PCDH19: variants seen among roughly 807,000 people sequenced by gnomAD.
The protein encoded by PCDH19 is protocadherin 19, also known as protocadherin-19.
In PCDH19, 6 loss-of-function variants were observed where a neutral mutation model predicts 46.2. The ratio of observed to expected loss-of-function variants is 0.13; its 90% CI spans 0.07 to 0.26. The LOEUF (loss-of-function observed/expected upper bound fraction) is 0.26. Among genes scored for constraint, PCDH19 ranks in the 10% least tolerant of loss-of-function variants. The probability of loss-of-function intolerance (pLI) is 1.00; values close to 1 mark genes in which losing one functional copy is unlikely to be tolerated. For missense variants in PCDH19, 740 were observed against 972.3 expected (o/e 0.76, Z 3.18); for synonymous variants, 481 against 415.7 (o/e 1.16, Z -1.91).
chrX:100,361,329 A>G (rs1395422312), intron 3 of PCDH19, among the ~76,000 whole-genome samples: 1 of 112,349 alleles, frequency 8.9e-6, no homozygotes, highest in East Asian at 2.8e-4. Flanking sequence ...AAAGATTGCA[A>G]AAGAGAGAAA....
chrX:100,333,153 GGAA>G (rs1206270652), intron 5 of PCDH19, among the ~76,000 whole-genome samples: 598 of 53,980 alleles, frequency 0.011, 9 homozygotes, highest in East Asian at 0.027. Context: ...AAGGAAGGAA[GGAA>G]GGAAGGAAGG....
At chrX:100,394,138 G>A (rs752913034) in intron 3 of PCDH19, among the ~76,000 whole-genome samples, 1 of 112,091 alleles carries the variant, frequency 8.9e-6, no homozygotes, top group Non-Finnish European at 1.9e-5. Flanking sequence ...CTGCACTACA[G>A]CCTAGGTGAC....
intron 3 of PCDH19, among the ~76,000 whole-genome samples, chrX:100,373,154 G>C (rs186407849): frequency 8.9e-6 from 1 of 112,241 alleles, no homozygotes; most frequent in Non-Finnish European, 1.9e-5. Flanking sequence ...GACTACAGGC[G>C]CGTGCCACCA....
At position 100,403,589 on chromosome X, in the gene PCDH19, C is replaced by T. The variant is rs907375983; in HGVS notation, c.2223G>A (p.Ser741=). 4 of 1,208,013 alleles carry T rather than the reference C, an allele frequency of 3.3e-6. No homozygotes were observed. Among genetic ancestry groups the T allele is most frequent in the African/African-American group, 3.5e-5 (2 of 57,822 alleles). ...GQNSKCLHCI[S]VSPISEEQDK... is the part of the protein sequence containing the mutation. The stretch of plus-strand genomic sequence containing the variant: ...CTTGCTCCTCGCTAATGGGAGAAAC[C>T]GAGATGCAATGCAGACACTTGCTGT... The change falls in exon 2 of 6, where the codon TCG becomes TCA. Residue 741 remains serine (S), a synonymous_variant. Coordinates refer to ENST00000373034, the MANE Select transcript of PCDH19 (RefSeq NM_001184880.2).
intron 3 of PCDH19, among the ~76,000 whole-genome samples, chrX:100,361,019 G>T (rs1926865311): frequency 8.9e-6 from 1 of 111,938 alleles, no homozygotes; most frequent in African/African-American, 3.2e-5. Flanking sequence ...ATTTAAAATA[G>T]AGATTAACCA....
chrX:100,410,247 C>T lies in PCDH19; in HGVS notation c.-1650G>A. 3.3e-6 allele frequency: 1 copy of T among 298,962 alleles called. No individual in the cohort carries two copies. Among genetic ancestry groups the T allele is most frequent in the Non-Finnish European group, 5.8e-6 (1 of 171,299 alleles). 24.6% of individuals were successfully genotyped at this position (298,962 alleles called of 1,213,427 possible). A position where few individuals can be genotyped will look rare whatever the true frequency, so the allele number is the denominator to read the frequency against. On this transcript the variant is annotated 5_prime_UTR_variant, in exon 1 of 6. Transcript: ENST00000373034. The stretch of plus-strand genomic sequence containing the variant: ...CCAGCCGCCGCCGCTACTGCTGCTG[C>T]TGCTCCTCCGGATGCCGCAAACTAC...
At chrX:100,355,950 A>C (rs1445677551) in intron 3 of PCDH19, among the ~76,000 whole-genome samples, 2 of 110,626 alleles carry the variant, frequency 1.8e-5, no homozygotes, top group Non-Finnish European at 3.8e-5. Context: ...GAGTGACTGC[A>C]GCTCTCTCAG....
At chrX:100,315,844 C>T (rs897038347) in intron 5 of PCDH19, among the ~76,000 whole-genome samples, 1 of 111,958 alleles carries the variant, frequency 8.9e-6, no homozygotes, top group Non-Finnish European at 1.9e-5. Context: ...GCTACAAATA[C>T]AGAATTCAGT....
At chrX:100,378,111 G>T (rs754053420) in intron 3 of PCDH19, among the ~76,000 whole-genome samples, 4 of 112,662 alleles carry the variant, frequency 3.6e-5, no homozygotes, top group Admixed American at 9.4e-5. Flanking sequence ...ACAAACTAAG[G>T]AGTAGCCTGG....
Position 100,296,884 on chromosome X carries a change from A to G in PCDH19, c.2849-9T>C. The G allele has an allele frequency of 8.5e-7, 1 of 1,176,056 alleles. No individual in the cohort carries two copies. The highest frequency in any genetic ancestry group is 1.2e-6 in the Non-Finnish European group (1 of 863,416). On this transcript the variant is annotated splice_polypyrimidine_tract_variant and intron_variant, in intron 5 of 5. Transcript: ENST00000373034. ...AAATCCTTCATTCTGATCTGTTTGGAAAAAAGAAAATATCAATTTCATCAG... is the reference window on the plus strand; with the variant it reads ...AAATCCTTCATTCTGATCTGTTTGGGAAAAAGAAAATATCAATTTCATCAG...
At chrX:100,324,183 C>T (rs1035068648) in intron 5 of PCDH19, among the ~76,000 whole-genome samples, 2 of 111,755 alleles carry the variant, frequency 1.8e-5, no homozygotes, top group Non-Finnish European at 3.8e-5. Flanking sequence ...AATTAAGTAC[C>T]CTTAAGAGTT....
rs746084690 is a variant in PCDH19 at position 100,296,541 on chromosome X, C to T, written c.3183G>A (p.Ala1061=). ...GGAGGGGGGAGGTGACAGGGCTAAT[C>T]GCCTCACAGCCATTGCCTGCCTCCC... ...VIREAGNGCE[A]ISPVTSPLHL... Residue 1061 remains alanine (A), a synonymous_variant, in exon 6 of 6, where the codon GCG becomes GCA. Coordinates refer to ENST00000373034, the MANE Select transcript of PCDH19 (RefSeq NM_001184880.2). The T allele has an allele frequency of 8.3e-6, 10 of 1,208,849 alleles. No homozygotes were observed. Among genetic ancestry groups the T allele is most frequent in the South Asian group, 1.8e-5 (1 of 56,649 alleles).
At chrX:100,329,856 G>A (rs955038335) in intron 5 of PCDH19, among the ~76,000 whole-genome samples, 38 of 111,993 alleles carry the variant, frequency 3.4e-4, no homozygotes, top group African/African-American at 1.1e-3. Context: ...AGGTTGCAGT[G>A]AGCTGAGATC....
chrX:100,347,464 C>A (rs1199960801), intron 4 of PCDH19, among the ~76,000 whole-genome samples: 2 of 111,726 alleles, frequency 1.8e-5, no homozygotes, highest in Non-Finnish European at 3.8e-5. Context: ...TTGAGGTTCA[C>A]TAACCGTGCC....
At chrX:100,299,695 G>T (rs2147448566) in intron 5 of PCDH19, among the ~76,000 whole-genome samples, 1 of 111,861 alleles carries the variant, frequency 8.9e-6, no homozygotes, top group South Asian at 3.8e-4. Flanking sequence ...TCACTGTTGG[G>T]AAAAGAGAAA....
chrX:100,350,766 G>T, intron 3 of PCDH19, 62 bp from the exon 4 acceptor site: 1 of 743,350 alleles, frequency 1.3e-6, no homozygotes, highest in Non-Finnish European at 2.1e-6. Context: ...ATTTCGAACT[G>T]CCCTACTTAG....
intron 5 of PCDH19, among the ~76,000 whole-genome samples, chrX:100,316,765 T>G (rs1305250177): frequency 8.9e-6 from 1 of 112,048 alleles, no homozygotes; most frequent in African/African-American, 3.3e-5. Flanking sequence ...TATTCATTAT[T>G]TAAACAAATC....
In PCDH19 at chrX:100,407,717, T is replaced by G. The variant is rs767825144; in HGVS notation, c.881A>C (p.His294Pro). 8.3e-7 allele frequency: 1 copy of G among 1,211,186 alleles called. No individual in the cohort carries two copies. The highest frequency in any genetic ancestry group is 3.0e-5 in the East Asian group (1 of 33,760). Reference protein sequence around the residue: ...RTRELFQIDPHSGLVTVTGAL... With the variant: ...RTRELFQIDPPSGLVTVTGAL... ...GCCAGTGACAGTGACCAGGCCACTG[T>G]GCGGGTCGATCTGAAAGAGCTCGCG... The change falls in exon 1 of 6, where the codon CAC (histidine) becomes CCC (proline). Residue 294 changes from histidine (H) to proline (P), a missense_variant. By Grantham distance (77) the His-to-Pro change is moderately conservative. Transcript: ENST00000373034.
At chrX:100,356,251 A>AT (rs1315246325) in intron 3 of PCDH19, among the ~76,000 whole-genome samples, 1 of 112,053 alleles carries the variant, frequency 8.9e-6, no homozygotes, top group Non-Finnish European at 1.9e-5. Flanking sequence ...CTCTTAAGTC[A>AT]TTTTAGCAAT....
Sources: allele counts gnomAD v4.1 joint callset (sites outside exome capture counted in the v4.1 genomes callset), GRCh38; gene constraint gnomAD v4.1.1; transcripts MANE v1.5; gene names NCBI Gene and HGNC (gene_info 2026-07-23, HGNC 2026-07-21).